Variants in ZMYM1 observed in about 807,000 individuals in gnomAD.
ZMYM1 encodes the protein zinc finger MYM-type containing 1.
In ZMYM1, 39 loss-of-function variants were observed where a neutral mutation model predicts 60.0. That is an observed-to-expected ratio of 0.65 (90% confidence interval 0.50 to 0.85). ZMYM1 has a LOEUF of 0.85. Among genes scored for constraint, ZMYM1 ranks in the 40% least tolerant of loss-of-function variants. ZMYM1 has a pLI of 0.00. For missense variants in ZMYM1, 1,171 were observed against 1,309.5 expected (o/e 0.89, Z 1.63); for synonymous variants, 413 against 454.0 (o/e 0.91, Z 1.15).
chr1:35,077,009 C>A (rs1397438242), upstream of ZMYM1, among the ~76,000 whole-genome samples: 1 of 151,924 alleles, frequency 6.6e-6, no homozygotes, highest in Non-Finnish European at 1.5e-5. Context: ...TCCTCCTATT[C>A]CTTAGGACTT....
upstream of ZMYM1, among the ~76,000 whole-genome samples, chr1:35,076,055 C>T (rs1025803826): frequency 2.6e-5 from 4 of 152,158 alleles, no homozygotes; most frequent in Non-Finnish European, 5.9e-5. Context: ...CAAATTAGTC[C>T]TACCTGACCC....
chr1:35,062,695 G>T (rs1641897639), intron 1 of ZMYM1, among the ~76,000 whole-genome samples: 1 of 152,140 alleles, frequency 6.6e-6, no homozygotes, highest in Admixed American at 6.6e-5. Flanking sequence ...AACAGAAACC[G>T]GGTCTGGTTA....
Position 35,104,413 on chromosome 1 carries a change from AC to A in ZMYM1, c.540del (p.Ile181TyrfsTer7). Reference protein sequence around the residue: ...SYEEKRKPFVTICTNSILTKC... With the variant: ...SYEEKRKPFVXICTNSILTKC... The stretch of plus-strand genomic sequence containing the variant: ...TGAAGAAAAAAGAAAACCATTTGTT[AC>A]CATATGTACTAATAGCATTTTGACC... On this transcript the variant is annotated frameshift_variant, in exon 5 of 10. Coordinates refer to ENST00000359858, the MANE Select transcript of ZMYM1 (RefSeq NM_024772.5). LOFTEE classifies it high-confidence loss of function. The A allele has an allele frequency of 6.2e-7, 1 of 1,612,472 alleles. No individual in the cohort carries two copies.
chr1:35,114,892 A>G lies in ZMYM1; in HGVS notation c.3062A>G (p.Glu1021Gly). The change falls in exon 10 of 10, where the codon GAG (glutamate) becomes GGG (glycine). Residue 1021 changes from glutamate (E) to glycine (G), a missense_variant. Transcript: ENST00000359858. ...KHVQEFYKLDEDIIPELRFYR... is the reference protein window; with the variant it reads ...KHVQEFYKLDGDIIPELRFYR... ...GTTCAGGAATTTTATAAACTTGATG[A>G]GGACATTATCCCAGAACTTAGATTT... The G allele has an allele frequency of 6.2e-7, 1 of 1,609,236 alleles. No individual in the cohort carries two copies. The highest frequency in any genetic ancestry group is 8.5e-7 in the Non-Finnish European group (1 of 1,176,612).
intron 4 of ZMYM1, among the ~76,000 whole-genome samples, chr1:35,099,995 A>C (rs1392713733): frequency 6.6e-6 from 1 of 152,102 alleles, no homozygotes; most frequent in Non-Finnish European, 1.5e-5. Context: ...GGTTCAAGCA[A>C]TTCTCCTGCC....
At chr1:35,063,873 G>A (rs1442695845) in intron 1 of ZMYM1, among the ~76,000 whole-genome samples, 1 of 152,146 alleles carries the variant, frequency 6.6e-6, no homozygotes, top group Non-Finnish European at 1.5e-5. Flanking sequence ...CACTGTGAGA[G>A]GTGGCACTAA....
At position 35,112,122 on chromosome 1, in the gene ZMYM1, A is replaced by T. The variant is rs1644108739; in HGVS notation, c.1138A>T (p.Ile380Phe). ...VSSVTATADV[I>F]VDLSKSSPSE... ...TTCAGTAACAGCAACAGCAGATGTC[A>T]TTGTGGATGTAAGTTTTAACTTTTT... Residue 380 changes from isoleucine to phenylalanine, a missense_variant, in exon 9 of 10, where the codon ATT becomes TTT. Coordinates refer to ENST00000359858, the MANE Select transcript of ZMYM1 (RefSeq NM_024772.5). 2 of 1,613,186 alleles carry T rather than the reference A, an allele frequency of 1.2e-6. No homozygotes were observed. The highest frequency in any genetic ancestry group is 1.7e-6 in the Non-Finnish European group (2 of 1,179,538).
chr1:35,098,807 T>C (rs1443116108), intron 4 of ZMYM1, among the ~76,000 whole-genome samples: 2 of 151,974 alleles, frequency 1.3e-5, no homozygotes, highest in Non-Finnish European at 2.9e-5. Context: ...CTTGGGAGGC[T>C]GAAGCAGGAC....
At position 35,113,101 on chromosome 1, in the gene ZMYM1, A is replaced by G; in HGVS notation, c.1271A>G (p.Gln424Arg). The G allele has an allele frequency of 6.2e-7, 1 of 1,614,122 alleles. No homozygotes were observed. Among genetic ancestry groups the G allele is most frequent in the Non-Finnish European group, 8.5e-7 (1 of 1,179,996 alleles). Residue 424 changes from glutamine (Q) to arginine (R), a missense_variant, in exon 10 of 10, where the codon CAA becomes CGA. Transcript: ENST00000359858. ...GCAATTGGTTCCAGTACAGAAGTACAAAAAGACAATATGAAATCTATGAAA... is the reference window on the plus strand; with the variant it reads ...GCAATTGGTTCCAGTACAGAAGTACGAAAAGACAATATGAAATCTATGAAA... ...QHAIGSSTEV[Q>R]KDNMKSMKIS...
At chr1:35,072,124 A>G (rs1569847246) in intron 1 of ZMYM1, among the ~76,000 whole-genome samples, 1 of 152,324 alleles carries the variant, frequency 6.6e-6, no homozygotes, top group East Asian at 1.9e-4. Context: ...ATAAGAGAGA[A>G]ACTCCATGTC....
intron 3 of ZMYM1, among the ~76,000 whole-genome samples, chr1:35,096,975 G>C (rs1233073858): frequency 1.3e-5 from 2 of 152,186 alleles, no homozygotes; most frequent in Non-Finnish European, 2.9e-5. Flanking sequence ...ACAGGCGTTA[G>C]CCACCACACC....
intron 6 of ZMYM1, among the ~76,000 whole-genome samples, chr1:35,108,047 G>A (rs1305918660): frequency 6.6e-6 from 1 of 151,940 alleles, no homozygotes; most frequent in Non-Finnish European, 1.5e-5. Context: ...GGAAGGTAAA[G>A]GTTGTAGTGA....
chr1:35,065,293 C>CA (rs56945075), intron 1 of ZMYM1, among the ~76,000 whole-genome samples: 19,760 of 134,808 alleles, frequency 0.15, 4,148 homozygotes, highest in African/African-American at 0.47. Flanking sequence ...CTTTCGGCAC[C>CA]AAAAAAAAAA....
chr1:35,078,194 G>A (rs1283212942), upstream of ZMYM1, among the ~76,000 whole-genome samples: 2 of 152,262 alleles, frequency 1.3e-5, no homozygotes, highest in African/African-American at 2.4e-5. Flanking sequence ...TCAGTTACTC[G>A]TATAATATTT....
intron 6 of ZMYM1, among the ~76,000 whole-genome samples, chr1:35,108,599 C>T (rs948294570): frequency 2.6e-5 from 4 of 152,026 alleles, no homozygotes; most frequent in South Asian, 2.1e-4. Flanking sequence ...ATGATCTGCC[C>T]GCCTCGGCCT....
At position 35,113,652 on chromosome 1, in the gene ZMYM1, C is replaced by T. The variant is rs1359601403; in HGVS notation, c.1822C>T (p.Gln608Ter). 2 of 1,612,322 alleles carry T rather than the reference C, an allele frequency of 1.2e-6. No individual in the cohort carries two copies. Among genetic ancestry groups the T allele is most frequent in the Middle Eastern group, 1.7e-4 (1 of 6,060 alleles). The change falls in exon 10 of 10, where the codon CAA (glutamine) becomes TAA (stop). Residue 608 changes from glutamine (Q) to a stop codon, truncating the protein, a stop_gained. Transcript: ENST00000359858. LOFTEE classifies it high-confidence loss of function. ...AGAAACATTTCGACTTATGAATTCA[C>T]AAGTTGACTTCTATAACAGTACACA... ...GEETFRLMNSQVDFYNSTQIQ... is the reference protein window; with the variant it reads ...GEETFRLMNS
chr1:35,070,982 TGA>T, intron 1 of ZMYM1, among the ~76,000 whole-genome samples: 1 of 152,286 alleles, frequency 6.6e-6, no homozygotes, highest in African/African-American at 2.4e-5. Flanking sequence ...CCTCTCAGGT[TGA>T]AGCAATTCTC....
intron 6 of ZMYM1, among the ~76,000 whole-genome samples, chr1:35,105,289 C>T (rs1192291279): frequency 6.6e-6 from 1 of 150,482 alleles, no homozygotes; most frequent in East Asian, 2.0e-4. Flanking sequence ...CACCCGCCAC[C>T]ACCACGCCTG....
intron 1 of ZMYM1, among the ~76,000 whole-genome samples, chr1:35,072,742 G>C (rs1455153679): frequency 6.6e-6 from 1 of 151,228 alleles, no homozygotes; most frequent in Non-Finnish European, 1.5e-5. Flanking sequence ...GAGGCCAGGA[G>C]TTCAAGACCA....
Sources: gnomAD v4.1 joint callset for allele counts (sites outside exome capture counted in the v4.1 genomes callset) on GRCh38, gnomAD v4.1.1 for gene constraint, MANE v1.5 for transcripts, NCBI Gene and HGNC (gene_info 2026-07-23, HGNC 2026-07-21) for gene names.